Variants in ARB2A observed in about 807,000 individuals in gnomAD.
The protein encoded by ARB2A is ARB2 cotranscriptional regulator A.
At chr5:93,678,686 G>T in the ARB2A span, among the ~76,000 whole-genome samples, 14 of 152,210 alleles carry the variant, frequency 9.2e-5, no homozygotes, top group South Asian at 2.7e-3. Flanking sequence ...AACCCAGAAG[G>T]CGGAGGTTGC....
At chr5:93,664,757 G>A in the ARB2A span, among the ~76,000 whole-genome samples, 1 of 151,806 alleles carries the variant, frequency 6.6e-6, no homozygotes, top group African/African-American at 2.4e-5. Flanking sequence ...CTACACTTAC[G>A]ACAGATATTA....
At chr5:93,720,019 C>T in the ARB2A span, among the ~76,000 whole-genome samples, 1 of 152,188 alleles carries the variant, frequency 6.6e-6, no homozygotes, top group Admixed American at 6.5e-5. Context: ...GGCCGTCATG[C>T]CGTTTCCTTT....
chr5:93,625,367 TA>T, the ARB2A span, among the ~76,000 whole-genome samples: 1 of 152,174 alleles, frequency 6.6e-6, no homozygotes, highest in Non-Finnish European at 1.5e-5. Flanking sequence ...TCAGCTTAAA[TA>T]AAAATGAATA....
chr5:94,068,266 G>A, the ARB2A span, among the ~76,000 whole-genome samples: 1 of 152,230 alleles, frequency 6.6e-6, no homozygotes, highest in Non-Finnish European at 1.5e-5. Context: ...TGGGCACTTA[G>A]CCATGCAGGA....
chr5:93,763,246 A>T, the ARB2A span, among the ~76,000 whole-genome samples: 67 of 152,186 alleles, frequency 4.4e-4, no homozygotes, highest in Non-Finnish European at 9.0e-4. Context: ...AAAGACACAG[A>T]CTGGCAAATT....
At chr5:93,631,099 G>A in the ARB2A span, among the ~76,000 whole-genome samples, 1 of 151,886 alleles carries the variant, frequency 6.6e-6, no homozygotes, top group Non-Finnish European at 1.5e-5. Context: ...TGGTCAGGCT[G>A]GTCTCGAACT....
chr5:93,881,751 A>C, the ARB2A span: 1 of 1,221,764 alleles, frequency 8.2e-7, no homozygotes, highest in Non-Finnish European at 1.1e-6. Flanking sequence ...ATTTTCAAAA[A>C]AGTTCTTAAA....
chr5:94,076,769 AG>A, the ARB2A span, among the ~76,000 whole-genome samples: 1 of 152,156 alleles, frequency 6.6e-6, no homozygotes, highest in Non-Finnish European at 1.5e-5. Context: ...TCTACAACTA[AG>A]TTAACTACCT....
the ARB2A span, among the ~76,000 whole-genome samples, chr5:93,983,191 GT>G: frequency 6.8e-5 from 10 of 146,654 alleles, 1 homozygote; most frequent in African/African-American, 2.3e-4. Context: ...GTGTGTGTGT[GT>G]GTGTGTGTGT....
At chr5:94,083,181 T>C in the ARB2A span, among the ~76,000 whole-genome samples, 4 of 152,336 alleles carry the variant, frequency 2.6e-5, no homozygotes, top group East Asian at 7.7e-4. Flanking sequence ...TTTATATTAT[T>C]AGACCTATGC....
the ARB2A span, among the ~76,000 whole-genome samples, chr5:93,879,662 A>T: frequency 6.6e-6 from 1 of 151,934 alleles, no homozygotes; most frequent in Non-Finnish European, 1.5e-5. Flanking sequence ...TGCATGCATA[A>T]AGAGAACAAA....
chr5:93,774,281 G>A, the ARB2A span, among the ~76,000 whole-genome samples: 5 of 152,144 alleles, frequency 3.3e-5, no homozygotes, highest in African/African-American at 1.2e-4. Flanking sequence ...ACTCTCCAAC[G>A]GCCTTCAAGA....
At chr5:93,899,230 A>G in the ARB2A span, among the ~76,000 whole-genome samples, 80 of 152,254 alleles carry the variant, frequency 5.3e-4, no homozygotes, top group Non-Finnish European at 8.5e-4. Context: ...AATTAGAAAC[A>G]TTTGGTATCC....
At chr5:93,973,920 A>G in the ARB2A span, among the ~76,000 whole-genome samples, 220 of 152,366 alleles carry the variant, frequency 1.4e-3, no homozygotes, top group Non-Finnish European at 2.5e-3. Flanking sequence ...ATGGAAATGA[A>G]AGAATGATAC....
At chr5:94,092,656 C>T in the ARB2A span, among the ~76,000 whole-genome samples, 1 of 151,978 alleles carries the variant, frequency 6.6e-6, no homozygotes, top group East Asian at 1.9e-4. Context: ...TACTTAGTTC[C>T]TCAAATATGG....
the ARB2A span, among the ~76,000 whole-genome samples, chr5:93,871,281 T>C: frequency 2.0e-5 from 3 of 152,236 alleles, no homozygotes; most frequent in Non-Finnish European, 1.5e-5. Flanking sequence ...ACAAGATTTA[T>C]GTAACTAAGT....
the ARB2A span, chr5:93,958,791 T>C: frequency 1.9e-6 from 3 of 1,539,138 alleles, no homozygotes; most frequent in East Asian, 2.3e-5. Flanking sequence ...ACAGCTCTTT[T>C]AATAAACGGT....
At chr5:93,761,390 T>G in the ARB2A span, among the ~76,000 whole-genome samples, 5 of 152,118 alleles carry the variant, frequency 3.3e-5, no homozygotes, top group Non-Finnish European at 7.4e-5. Flanking sequence ...TCTCAGCAAA[T>G]AGCACACCAG....
the ARB2A span, among the ~76,000 whole-genome samples, chr5:93,627,443 G>GTTT: frequency 5.4e-5 from 7 of 130,514 alleles, no homozygotes; most frequent in Admixed American, 7.8e-5. Flanking sequence ...AATGTGTTTT[G>GTTT]TTTTTTTTTT....
Sources: allele counts gnomAD v4.1 joint callset (sites outside exome capture counted in the v4.1 genomes callset), GRCh38; gene constraint gnomAD v4.1.1; transcripts MANE v1.5; gene names NCBI Gene and HGNC (gene_info 2026-07-23, HGNC 2026-07-21).